The following FHAD1 variants were observed in gnomAD, a reference collection of about 807,000 sequenced individuals.
The protein encoded by FHAD1 is forkhead-associated domain-containing protein 1.
Under a neutral mutation model 191.3 loss-of-function variants are expected in FHAD1, and 146 were observed. The observed-to-expected ratio is 0.76, with a 90% CI of 0.67 to 0.88. The LOEUF (loss-of-function observed/expected upper bound fraction) is 0.88, where lower values mean the gene tolerates loss of function less well. Ranked by LOEUF, FHAD1 falls within the 40% of genes least tolerant of loss-of-function variation. FHAD1 has a pLI of 0.00. For missense variants in FHAD1, 1,635 were observed against 1,785.8 expected (o/e 0.92, Z 1.52); for synonymous variants, 616 against 672.3 (o/e 0.92, Z 1.29).
chr1:15,367,880 T>G (rs1444799245), intron 25 of FHAD1, among the ~76,000 whole-genome samples: 1 of 152,200 alleles, frequency 6.6e-6, no homozygotes, highest in African/African-American at 2.4e-5. Flanking sequence ...GGGATCCTGC[T>G]GTGCTTGGGC....
intron 9 of FHAD1, among the ~76,000 whole-genome samples, chr1:15,317,337 G>C (rs1055910859): frequency 2.0e-5 from 3 of 152,136 alleles, no homozygotes; most frequent in African/African-American, 7.2e-5. Flanking sequence ...TTTTCCACTC[G>C]GGAAGTTCAG....
intron 3 of FHAD1, among the ~76,000 whole-genome samples, chr1:15,281,163 C>T (rs1288885426): frequency 1.3e-5 from 2 of 152,228 alleles, no homozygotes; most frequent in African/African-American, 2.4e-5. Flanking sequence ...CTTCCTGGGC[C>T]GCACATAGCA....
upstream of FHAD1, among the ~76,000 whole-genome samples, chr1:15,242,436 T>C (rs939809099): frequency 2.7e-4 from 41 of 152,184 alleles, no homozygotes; most frequent in African/African-American, 9.6e-4. Flanking sequence ...TGGTACCTTG[T>C]TAGCTTTAAT....
In FHAD1 at chr1:15,345,424, G is replaced by T. The variant is rs373939279; in HGVS notation, c.2247G>T (p.Ala749=). The change falls in exon 18 of 34, where the codon GCG becomes GCT. Residue 749 remains alanine, a synonymous_variant. Coordinates refer to ENST00000688493, the MANE Select transcript of FHAD1 (RefSeq NM_001391957.1). ...AATGATCGTTGACTCAGGCTTTGGC[G>T]AAAAGCATTACCCAGGAGAAGAACA... ...SLLAQQKKAL[A]KSITQEKNRV... 3.9e-6 allele frequency: 6 copies of T among 1,552,302 alleles called. No individual in the cohort carries two copies. The highest frequency in any genetic ancestry group is 5.2e-6 in the Non-Finnish European group (6 of 1,147,068).
rs775655098 is a variant in FHAD1 at position 15,318,234 on chromosome 1, G to A, written c.1365+306G>A. ...CCTCCCAATCCCAGTTTTGAGTTTC[G>A]TGTTGCTTAATTATTTTAATGTCCC... On this transcript the variant is annotated intron_variant, in intron 10 of 33. Transcript: ENST00000688493. The surrounding 1 kb of genome is among the most constrained non-coding windows in gnomAD (Gnocchi z 4.1). Among the ~76,000 whole-genome samples the A allele has an allele frequency of 6.6e-6, 1 of 152,126 alleles. No individual in the cohort carries two copies. Among genetic ancestry groups the A allele is most frequent in the Non-Finnish European group, 1.5e-5 (1 of 68,016 alleles).
At chr1:15,371,710 G>T (rs753269254) in intron 26 of FHAD1, among the ~76,000 whole-genome samples, 1 of 152,208 alleles carries the variant, frequency 6.6e-6, no homozygotes, top group African/African-American at 2.4e-5. Flanking sequence ...GGGCAAACAC[G>T]CATCCTCAAG....
intron 2 of FHAD1, among the ~76,000 whole-genome samples, chr1:15,264,619 C>G (rs1652654573): frequency 6.6e-6 from 1 of 151,208 alleles, no homozygotes; most frequent in Non-Finnish European, 1.5e-5. Flanking sequence ...TGTTGTCCAA[C>G]AATACAGGTA....
At chr1:15,317,372 G>A (rs1324837184) in intron 9 of FHAD1, among the ~76,000 whole-genome samples, 3 of 152,066 alleles carry the variant, frequency 2.0e-5, no homozygotes, top group East Asian at 1.9e-4. Context: ...TCTTCCCCAC[G>A]CCAGCACCGT....
chr1:15,237,262 G>A (rs1283716357), intron 1 of FHAD1, among the ~76,000 whole-genome samples: 1 of 152,184 alleles, frequency 6.6e-6, no homozygotes, highest in African/African-American at 2.4e-5. Flanking sequence ...GAAAGCCAAA[G>A]AAACATGGAG....
intron 32 of FHAD1, among the ~76,000 whole-genome samples, chr1:15,388,912 C>G (rs938882064): frequency 6.6e-6 from 1 of 152,136 alleles, no homozygotes; most frequent in Non-Finnish European, 1.5e-5. Flanking sequence ...TGAGACAGAT[C>G]GATGTCATCA....
At chr1:15,345,345 G>T in intron 17 of FHAD1, 71 bp from the exon 18 acceptor site, 1 of 1,428,248 alleles carries the variant, frequency 7.0e-7, no homozygotes, top group Non-Finnish European at 9.7e-7. Context: ...GAGGAAACCT[G>T]TGCGGTGCCT....
At chr1:15,382,891 G>A (rs565455582) in intron 31 of FHAD1, among the ~76,000 whole-genome samples, 1 of 152,318 alleles carries the variant, frequency 6.6e-6, no homozygotes, top group Admixed American at 6.5e-5. Flanking sequence ...GCAGAGGAAA[G>A]GTGTGAGGAT....
chr1:15,397,689 T>C lies in FHAD1; in HGVS notation c.*276T>C, dbSNP rs1399941734. The C allele has an allele frequency of 8.8e-6, 2 of 226,408 alleles. No individual in the cohort carries two copies. Among genetic ancestry groups the C allele is most frequent in the Non-Finnish European group, 1.7e-5 (2 of 117,108 alleles). The allele number at this position is 226,408 out of a possible 1,614,324, so 14.0% of individuals were successfully genotyped here. On this transcript the variant is annotated 3_prime_UTR_variant, in exon 34 of 34. Coordinates refer to ENST00000688493, the MANE Select transcript of FHAD1 (RefSeq NM_001391957.1). ...TGTCCAGGCCTGGTAGATATAATTA[T>C]GTGGTCCACGTTGGGTCATGATGTT... is the stretch of plus-strand genomic sequence containing the variant.
intron 24 of FHAD1, 28 bp downstream of exon 24, chr1:15,365,961 C>G (rs1378842173): frequency 1.4e-5 from 20 of 1,421,984 alleles, no homozygotes; most frequent in Non-Finnish European, 1.8e-5. Context: ...TGTCTCTTGA[C>G]CTCCTGACCC....
At chr1:15,390,619 G>C (rs1206715932) in intron 32 of FHAD1, among the ~76,000 whole-genome samples, 1 of 152,170 alleles carries the variant, frequency 6.6e-6, no homozygotes, top group Non-Finnish European at 1.5e-5. Flanking sequence ...TCCCTGAGGT[G>C]TCCCCAGTAT....
chr1:15,330,140 C>A (rs952889598), intron 14 of FHAD1: 2 of 152,720 alleles, frequency 1.3e-5, no homozygotes, highest in Non-Finnish European at 2.9e-5. Flanking sequence ...CTGTTACCGA[C>A]GGCAGTTACT....
upstream of FHAD1, among the ~76,000 whole-genome samples, chr1:15,243,891 G>A (rs181467361): frequency 1.2e-3 from 183 of 152,242 alleles, 1 homozygote; most frequent in African/African-American, 4.1e-3. Flanking sequence ...CATTCATCTC[G>A]ATTCAAATCC....
chr1:15,300,178 T>C (rs997177152), intron 5 of FHAD1, among the ~76,000 whole-genome samples: 1 of 152,186 alleles, frequency 6.6e-6, no homozygotes, highest in African/African-American at 2.4e-5. Flanking sequence ...GTTTGGGGGA[T>C]TTTTTCCCCC....
At chr1:15,322,444 A>G (rs1435566722) in intron 10 of FHAD1, among the ~76,000 whole-genome samples, 5 of 152,238 alleles carry the variant, frequency 3.3e-5, no homozygotes, top group Non-Finnish European at 7.3e-5. Flanking sequence ...GAGTCAAAGC[A>G]TAGAGTCAAG....
Sources: allele counts gnomAD v4.1 joint callset (sites outside exome capture counted in the v4.1 genomes callset), GRCh38; gene constraint gnomAD v4.1.1; non-coding constraint Gnocchi (gnomAD v3.1); transcripts MANE v1.5; gene names NCBI Gene and HGNC (gene_info 2026-07-23, HGNC 2026-07-21).